IMMP2L: variants seen among roughly 807,000 people sequenced by gnomAD.
IMMP2L encodes mitochondrial inner membrane protease subunit 2.
In IMMP2L, 18 loss-of-function variants were observed where a neutral mutation model predicts 19.3. The observed-to-expected ratio is 0.93, with a 90% CI of 0.64 to 1.38. The LOEUF (loss-of-function observed/expected upper bound fraction) is 1.38, where lower values mean the gene tolerates loss of function less well. Ranked by LOEUF, IMMP2L falls within the 40% of genes most tolerant of loss-of-function variation. IMMP2L has a pLI of 0.00. For synonymous variants in IMMP2L, 76 were observed against 73.0 expected, an observed-to-expected ratio of 1.04 and a Z score of -0.21; for missense variants, 233 against 218.2, an observed-to-expected ratio of 1.07 and a Z score of -0.43.
chr7:111,104,633 C>T (rs181566757), intron 3 of IMMP2L, among the ~76,000 whole-genome samples: 119 of 151,620 alleles, frequency 7.8e-4, no homozygotes, highest in African/African-American at 2.6e-3. Flanking sequence ...CTTTTTGATT[C>T]GGGGAGCAAA....
chr7:111,441,378 G>A (rs116573864), intron 3 of IMMP2L, among the ~76,000 whole-genome samples: 2,356 of 151,728 alleles, frequency 0.016, 115 homozygotes, highest in African/African-American at 0.054. Flanking sequence ...TTAATTGGCC[G>A]AATTTCAATA....
At chr7:111,462,809 A>G (rs568778888) in intron 3 of IMMP2L, among the ~76,000 whole-genome samples, 1 of 152,148 alleles carries the variant, frequency 6.6e-6, no homozygotes, top group Admixed American at 6.5e-5. Context: ...CAAGGTCTGC[A>G]TCTCCAAAAT....
At position 111,220,269 on chromosome 7, in the gene IMMP2L, A is replaced by T. The variant is rs1039431050; in HGVS notation, c.240-256704T>A. Among the ~76,000 whole-genome samples the T allele has an allele frequency of 4.6e-5, 7 of 152,196 alleles. No homozygotes were observed. The South Asian group carries it at 1.2e-3, about 27-fold the overall frequency. On this transcript the variant is annotated intron_variant, in intron 3 of 5. Coordinates refer to ENST00000405709, the MANE Select transcript of IMMP2L (RefSeq NM_032549.4). ...AATTCCTTTACATGTATTATAAAGT[A>T]AAATATTTTATAGGTATTATACGAT... is the stretch of plus-strand genomic sequence containing the variant.
At chr7:111,274,347 T>C (rs547648161) in intron 3 of IMMP2L, among the ~76,000 whole-genome samples, 1 of 152,310 alleles carries the variant, frequency 6.6e-6, no homozygotes, top group South Asian at 2.1e-4. Flanking sequence ...AGAATCTTTT[T>C]ACAGTAACTG....
At chr7:110,981,273 G>T (rs28433395) in intron 3 of IMMP2L, among the ~76,000 whole-genome samples, 1 of 151,588 alleles carries the variant, frequency 6.6e-6, no homozygotes, top group Non-Finnish European at 1.5e-5. Flanking sequence ...AATAAAAAAA[G>T]AAAAAAAGAA....
At chr7:110,774,760 T>G (rs187714368) in intron 5 of IMMP2L, among the ~76,000 whole-genome samples, 1 of 152,048 alleles carries the variant, frequency 6.6e-6, no homozygotes, top group Non-Finnish European at 1.5e-5. Flanking sequence ...AGGTGTATAG[T>G]AGGTATACCA....
At chr7:110,949,307 T>C (rs1817558136) in intron 4 of IMMP2L, among the ~76,000 whole-genome samples, 1 of 152,234 alleles carries the variant, frequency 6.6e-6, no homozygotes, top group African/African-American at 2.4e-5. Context: ...ATGTGGTTTC[T>C]AGCAATTCAG....
chr7:110,712,976 C>T (rs570658310), intron 5 of IMMP2L, among the ~76,000 whole-genome samples: 10 of 151,964 alleles, frequency 6.6e-5, no homozygotes, highest in East Asian at 5.9e-4. Flanking sequence ...TCTTCTGCGT[C>T]ACTCACGCTG....
intron 3 of IMMP2L, among the ~76,000 whole-genome samples, chr7:111,208,317 G>A (rs1030186220): frequency 2.6e-5 from 4 of 152,132 alleles, no homozygotes; most frequent in Non-Finnish European, 5.9e-5. Flanking sequence ...GCCAAGAAAA[G>A]GGAACGGTGA....
rs981540288 is a variant in IMMP2L, at chr7:111,290,462, A to C, written c.239+196776T>G. ...TTTAAATGCCTTCAGATGTAATTTT[A>C]AAATATAATCTGTGTTTATTTAAGC... On this transcript the variant is annotated intron_variant, in intron 3 of 5. Transcript: ENST00000405709. 2.6e-5 allele frequency among the ~76,000 whole-genome samples: 4 copies of C among 152,084 alleles called. 1 individual carries two copies. The highest frequency in any genetic ancestry group is 2.9e-5 in the Non-Finnish European group (2 of 68,012).
At chr7:111,485,597 CAAAAAAAAAAAAAAAA>C (rs71147477) in intron 3 of IMMP2L, among the ~76,000 whole-genome samples, 1 of 50,592 alleles carries the variant, frequency 2.0e-5, no homozygotes, top group Admixed American at 3.5e-4. Context: ...GACTCTGTTT[CAAAAAAAAAAAAAAAA>C]AAAAAAAAAA....
chr7:110,808,308 G>A (rs1801768761), intron 5 of IMMP2L, among the ~76,000 whole-genome samples: 1 of 152,028 alleles, frequency 6.6e-6, no homozygotes, highest in Admixed American at 6.6e-5. Flanking sequence ...GCAGTATAAA[G>A]CAGAGCAGCC....
At chr7:110,733,209 G>A (rs992770433) in intron 5 of IMMP2L, among the ~76,000 whole-genome samples, 2 of 152,164 alleles carry the variant, frequency 1.3e-5, no homozygotes, top group African/African-American at 4.8e-5. Flanking sequence ...CAGCTCTACA[G>A]GGTTGTCAGG....
At chr7:111,271,575 G>A (rs1427789486) in intron 3 of IMMP2L, among the ~76,000 whole-genome samples, 2 of 152,130 alleles carry the variant, frequency 1.3e-5, no homozygotes, top group Non-Finnish European at 2.9e-5. Context: ...AGTAGGTCAA[G>A]GTTGGGGCCT....
At chr7:111,200,174 T>C in intron 3 of IMMP2L, among the ~76,000 whole-genome samples, 1 of 152,114 alleles carries the variant, frequency 6.6e-6, no homozygotes, top group East Asian at 1.9e-4. Flanking sequence ...CTATTCTTAC[T>C]TTTCTGTATC....
intron 3 of IMMP2L, among the ~76,000 whole-genome samples, chr7:111,030,255 A>G (rs1445195608): frequency 6.6e-6 from 1 of 152,100 alleles, no homozygotes; most frequent in Non-Finnish European, 1.5e-5. Context: ...CACTTCCTCC[A>G]TCATCTAAAA....
At position 111,485,089 on chromosome 7, in the gene IMMP2L, T is replaced by TA. The variant is rs200001273; in HGVS notation, c.239+2148dup. On this transcript the variant is annotated intron_variant, in intron 3 of 5. Transcript: ENST00000405709. ...AGGCCTGAGCCACCTGGCCCTGACC[T>TA]AAAAAAATACTTTAAATAATGCTAA... is the stretch of plus-strand genomic sequence containing the variant. Among the ~76,000 whole-genome samples the TA allele has an allele frequency of 2.1e-3, 317 of 152,116 alleles. 3 individuals are homozygous for TA. The highest frequency in any genetic ancestry group is 7.3e-3 in the African/African-American group (304 of 41,516).
At chr7:111,235,054 A>G (rs1306847809) in intron 3 of IMMP2L, among the ~76,000 whole-genome samples, 2 of 152,164 alleles carry the variant, frequency 1.3e-5, no homozygotes, top group African/African-American at 4.8e-5. Context: ...TTCTGTCTGA[A>G]GAACTTTTTT....
In IMMP2L at chr7:111,388,795, CT is replaced by C. The variant is rs1197663558; in HGVS notation, c.239+98442del. ...GCCCCCATGATTCAATTACCTCCCC[CT>C]GGGTCCCTCCCACAACACATGGGAA... On this transcript the variant is annotated intron_variant, in intron 3 of 5. Transcript: ENST00000405709. Among the ~76,000 whole-genome samples, 5 of 152,230 alleles carry C rather than the reference CT, an allele frequency of 3.3e-5. No individual in the cohort carries two copies. In the East Asian group the frequency reaches 9.6e-4, roughly 29 times the overall value.
Sources: allele counts gnomAD v4.1 joint callset (sites outside exome capture counted in the v4.1 genomes callset), GRCh38; gene constraint gnomAD v4.1.1; transcripts MANE v1.5; gene names NCBI Gene and HGNC (gene_info 2026-07-23, HGNC 2026-07-21).